Variants in HS3ST3B1 observed in about 807,000 individuals in gnomAD.
HS3ST3B1 encodes the protein heparan sulfate glucosamine 3-O-sulfotransferase 3B1.
HS3ST3B1 carries 13 observed loss-of-function variants against 21.3 expected under a neutral mutation model. That is an observed-to-expected ratio of 0.61 (90% CI 0.40 to 0.97). HS3ST3B1 has a LOEUF of 0.97. HS3ST3B1 is among the 50% of genes least tolerant of loss of function. The pLI is 0.00. For synonymous variants in HS3ST3B1, 234 were observed against 254.8 expected, an observed-to-expected ratio of 0.92 and a Z score of 0.78; for missense variants, 459 against 554.8, an observed-to-expected ratio of 0.83 and a Z score of 1.73.
At chr17:14,315,271 A>G (rs1013906185) in intron 1 of HS3ST3B1, among the ~76,000 whole-genome samples, 1 of 152,174 alleles carries the variant, frequency 6.6e-6, no homozygotes, top group African/African-American at 2.4e-5. Flanking sequence ...CCCCCAATGC[A>G]CTGTGGCTCA....
At chr17:14,338,548 T>G (rs1014422570) in intron 1 of HS3ST3B1, among the ~76,000 whole-genome samples, 1 of 151,794 alleles carries the variant, frequency 6.6e-6, no homozygotes, top group African/African-American at 2.4e-5. Flanking sequence ...GTTCAAGTGA[T>G]TCTCCTGCCT....
chr17:14,325,024 C>T (rs1909765027), intron 1 of HS3ST3B1, among the ~76,000 whole-genome samples: 1 of 152,186 alleles, frequency 6.6e-6, no homozygotes, highest in Admixed American at 6.5e-5. Flanking sequence ...AAGAAATGTA[C>T]CCCAAATGAC....
At chr17:14,311,841 C>G (rs1909314655) in intron 1 of HS3ST3B1, among the ~76,000 whole-genome samples, 1 of 152,056 alleles carries the variant, frequency 6.6e-6, no homozygotes, top group African/African-American at 2.4e-5. Context: ...TCTGCAGGGC[C>G]TCCTCTTCCT....
At chr17:14,316,974 C>T (rs1474704659) in intron 1 of HS3ST3B1, among the ~76,000 whole-genome samples, 2 of 152,238 alleles carry the variant, frequency 1.3e-5, no homozygotes, top group South Asian at 2.1e-4. Context: ...GTAGGTTCTT[C>T]GTACTTGGGG....
At position 14,347,566 on chromosome 17, in the gene HS3ST3B1, G is replaced by A. The variant is rs1029077828; in HGVS notation, c.*1920G>A. The A allele has an allele frequency of 2.0e-5, 3 of 152,222 alleles. No homozygotes were observed. The highest frequency in any genetic ancestry group is 7.2e-5 in the African/African-American group (3 of 41,454). The allele number at this position is 152,222 out of a possible 1,614,324, so 9.4% of individuals were successfully genotyped here. A position where few individuals can be genotyped will look rare whatever the true frequency, so the allele number is the denominator to read the frequency against. ...GTATGTTGTATGGGATCACTTGCCT[G>A]ATAGTATAAGGAACATTGTATGAAA... On this transcript the variant is annotated 3_prime_UTR_variant, in exon 2 of 2. Coordinates refer to ENST00000360954, the MANE Select transcript of HS3ST3B1 (RefSeq NM_006041.3).
At chr17:14,342,083 G>A (rs1004809645) in intron 1 of HS3ST3B1, among the ~76,000 whole-genome samples, 10 of 152,180 alleles carry the variant, frequency 6.6e-5, no homozygotes, top group African/African-American at 2.4e-4. Flanking sequence ...AGGAGTGCCC[G>A]CCCTCTAGGG....
chr17:14,320,319 G>C (rs983913418), intron 1 of HS3ST3B1, among the ~76,000 whole-genome samples: 1 of 152,144 alleles, frequency 6.6e-6, no homozygotes, highest in Non-Finnish European at 1.5e-5. Context: ...TGGGAGTGAA[G>C]TTTTGATGGA....
At chr17:14,323,097 G>A (rs1171535013) in intron 1 of HS3ST3B1, among the ~76,000 whole-genome samples, 6 of 151,876 alleles carry the variant, frequency 4.0e-5, no homozygotes, top group Non-Finnish European at 8.8e-5. Flanking sequence ...TTGTAGAGAC[G>A]GGGTTTCACC....
At chr17:14,342,722 A>T (rs149619191) in intron 1 of HS3ST3B1, among the ~76,000 whole-genome samples, 1 of 152,338 alleles carries the variant, frequency 6.6e-6, no homozygotes, top group African/African-American at 2.4e-5. Context: ...TAAATAAAGT[A>T]TTCAAAGTGA....
chr17:14,347,570 G>A lies in HS3ST3B1; in HGVS notation c.*1924G>A, dbSNP rs2142359571. On this transcript the variant is annotated 3_prime_UTR_variant, in exon 2 of 2. Transcript: ENST00000360954. ...GTTGTATGGGATCACTTGCCTGATA[G>A]TATAAGGAACATTGTATGAAAAGAT... 1 of 152,322 alleles carries A rather than the reference G, an allele frequency of 6.6e-6. No individual in the cohort carries two copies. Among genetic ancestry groups the A allele is most frequent in the Admixed American group, 6.5e-5 (1 of 15,300 alleles). The allele number at this position is 152,322 out of a possible 1,614,324, so 9.4% of individuals were successfully genotyped here.
intron 1 of HS3ST3B1, among the ~76,000 whole-genome samples, chr17:14,337,430 T>G (rs1192597872): frequency 6.6e-6 from 1 of 151,460 alleles, no homozygotes; most frequent in African/African-American, 2.4e-5. Flanking sequence ...CAGGTTCAAG[T>G]GACTCTCCTG....
chr17:14,304,409 G>A (rs999443135), intron 1 of HS3ST3B1: 1 of 152,238 alleles, frequency 6.6e-6, no homozygotes, highest in Admixed American at 6.5e-5. Context: ...TATTTTCCAA[G>A]GGGGAAAAAA....
intron 1 of HS3ST3B1, among the ~76,000 whole-genome samples, chr17:14,335,537 A>G (rs759188125): frequency 2.0e-5 from 3 of 152,200 alleles, no homozygotes; most frequent in South Asian, 4.1e-4. Flanking sequence ...TCTACTAAAA[A>G]TACAAAAATT....
At chr17:14,319,560 G>C (rs1390929159) in intron 1 of HS3ST3B1, among the ~76,000 whole-genome samples, 1 of 152,058 alleles carries the variant, frequency 6.6e-6, no homozygotes, top group Non-Finnish European at 1.5e-5. Context: ...TCAGGCTCTG[G>C]GATTCAAAGA....
intron 1 of HS3ST3B1, among the ~76,000 whole-genome samples, chr17:14,342,804 A>C (rs1255477571): frequency 2.0e-5 from 3 of 152,196 alleles, no homozygotes; most frequent in Non-Finnish European, 4.4e-5. Context: ...TTCCTTAACT[A>C]ATTTAAGAAG....
chr17:14,336,622 TCAGCTGACCAC>T (rs1206774003), intron 1 of HS3ST3B1, among the ~76,000 whole-genome samples: 1 of 152,130 alleles, frequency 6.6e-6, no homozygotes, highest in Non-Finnish European at 1.5e-5. Flanking sequence ...GCTCATCTTC[TCAGCTGACCAC>T]TCTATTCTGG....
At chr17:14,324,385 T>C (rs1909745035) in intron 1 of HS3ST3B1, among the ~76,000 whole-genome samples, 1 of 152,152 alleles carries the variant, frequency 6.6e-6, no homozygotes, top group East Asian at 1.9e-4. Context: ...CAGTGGCTTT[T>C]CTTTCTATCT....
In HS3ST3B1 at chr17:14,338,962, AC is replaced by A. The variant is rs1362900792; in HGVS notation, c.555-6063del. Among the ~76,000 whole-genome samples the A allele has an allele frequency of 3.9e-5, 6 of 151,972 alleles. No homozygotes were observed. In the East Asian group the frequency reaches 9.7e-4, roughly 24 times the overall value. On this transcript the variant is annotated intron_variant, in intron 1 of 1. Coordinates refer to ENST00000360954, the MANE Select transcript of HS3ST3B1 (RefSeq NM_006041.3). ...AGTAGGATCTTTCTTGGGTTCTGTC[AC>A]CCTGTGTTCATGTGGGCACACATAC...
At chr17:14,331,324 A>G (rs1298968951) in intron 1 of HS3ST3B1, among the ~76,000 whole-genome samples, 1 of 151,904 alleles carries the variant, frequency 6.6e-6, no homozygotes, top group African/African-American at 2.4e-5. Flanking sequence ...CCTTCCAGGA[A>G]CAGGAACAGG....
Sources: allele counts gnomAD v4.1 joint callset (sites outside exome capture counted in the v4.1 genomes callset), GRCh38; gene constraint gnomAD v4.1.1; transcripts MANE v1.5; gene names NCBI Gene and HGNC (gene_info 2026-07-23, HGNC 2026-07-21).